Variants in PLCB1 observed in about 807,000 individuals in gnomAD.
PLCB1 encodes phospholipase C beta 1.
In PLCB1, 46 loss-of-function variants were observed where a neutral mutation model predicts 161.8. The observed-to-expected ratio is 0.28, with a 90% confidence interval of 0.22 to 0.36. PLCB1 has a LOEUF of 0.36. PLCB1 is among the 10% of genes least tolerant of loss of function. The pLI is 1.00. For synonymous variants in PLCB1, 517 were observed against 503.7 expected (o/e 1.03, Z -0.35); for missense variants, 1,016 against 1,472.5 (o/e 0.69, Z 5.07).
At chr20:8,716,944 C>T (rs191102519) in intron 13 of PLCB1, among the ~76,000 whole-genome samples, 1 of 152,276 alleles carries the variant, frequency 6.6e-6, no homozygotes, top group East Asian at 1.9e-4. Flanking sequence ...CATTGCAAGC[C>T]AAGAATAGAG....
At chr20:8,864,280 T>C (rs1387141688) in intron 31 of PLCB1, among the ~76,000 whole-genome samples, 2 of 152,244 alleles carry the variant, frequency 1.3e-5, no homozygotes, top group Non-Finnish European at 2.9e-5. Context: ...ATTTCTATTC[T>C]GTGATGCCAA....
In PLCB1 at chr20:8,312,284, G is replaced by A. The variant is rs1029428200; in HGVS notation, c.178-59098G>A. Among the ~76,000 whole-genome samples the A allele has an allele frequency of 3.9e-5, 6 of 151,906 alleles. No homozygotes were observed. In the East Asian group the frequency reaches 9.7e-4, roughly 25 times the overall value. On this transcript the variant is annotated intron_variant, in intron 2 of 31. Transcript: ENST00000338037. The stretch of plus-strand genomic sequence containing the variant: ...AGCGCGCATACAATTCTTCTACCCC[G>A]CAAAAGCCTACAGGACTATCCCATT...
chr20:8,594,035 C>A (rs6118261), intron 3 of PLCB1, among the ~76,000 whole-genome samples: 12,262 of 152,156 alleles, frequency 0.081, 577 homozygotes, highest in South Asian at 0.14. Flanking sequence ...GAGCTGTGCA[C>A]CACCATTCCC....
intron 2 of PLCB1, among the ~76,000 whole-genome samples, chr20:8,262,550 G>A (rs1225529796): frequency 6.6e-6 from 1 of 152,124 alleles, no homozygotes; most frequent in Non-Finnish European, 1.5e-5. Context: ...ATTTAGAATT[G>A]CCTTCAGTCA....
intron 2 of PLCB1, among the ~76,000 whole-genome samples, chr20:8,159,858 A>C (rs1334745318): frequency 6.6e-6 from 1 of 151,886 alleles, no homozygotes; most frequent in African/African-American, 2.4e-5. Context: ...AGGGTGGCAC[A>C]TGCCTGTAAT....
chr20:8,436,593 G>A (rs1003754066), intron 3 of PLCB1, among the ~76,000 whole-genome samples: 1 of 150,432 alleles, frequency 6.6e-6, no homozygotes, highest in Non-Finnish European at 1.5e-5. Context: ...CATTTTATAG[G>A]TTTTGGTGTC....
At chr20:8,253,149 G>A (rs1342858286) in intron 2 of PLCB1, among the ~76,000 whole-genome samples, 4 of 151,814 alleles carry the variant, frequency 2.6e-5, no homozygotes, top group Non-Finnish European at 1.5e-5. Context: ...CTATTGAAAC[G>A]ACAGAAACTC....
At chr20:8,623,467 T>A (rs6055954) in intron 3 of PLCB1, among the ~76,000 whole-genome samples, 33,614 of 152,128 alleles carry the variant, frequency 0.22, 3,997 homozygotes, top group Admixed American at 0.31. Context: ...ACTTATACAG[T>A]GACTTTATAA....
At chr20:8,523,492 C>CTATA (rs1273305505) in intron 3 of PLCB1, among the ~76,000 whole-genome samples, 7 of 61,856 alleles carry the variant, frequency 1.1e-4, no homozygotes, top group Middle Eastern at 0.012. Context: ...CTCTCTCTCT[C>CTATA]TCTCTATATA....
rs1420025887 is a variant in PLCB1 at position 8,740,384 on chromosome 20, T to C, written c.2349T>C (p.Pro783=). The change falls in exon 22 of 32, where the codon CCT becomes CCC. Residue 783 remains proline (P), a synonymous_variant. Transcript: ENST00000338037. The part of the protein sequence containing the change: ...YICLRNERNQ[P]LTLPAVFVYI... ...GTCTAAGGAATGAAAGGAACCAGCC[T>C]CTGACGCTGCCTGCTGTCTTTGTCT... 1.2e-6 allele frequency: 2 copies of C among 1,609,322 alleles called. No individual in the cohort carries two copies. Among genetic ancestry groups the C allele is most frequent in the South Asian group, 2.2e-5 (2 of 90,030 alleles).
At chr20:8,687,884 A>G (rs1990394987) in intron 10 of PLCB1, among the ~76,000 whole-genome samples, 2 of 152,094 alleles carry the variant, frequency 1.3e-5, no homozygotes, top group African/African-American at 4.8e-5. Context: ...TGGTAGTTCT[A>G]CTTTTAGTTC....
intron 3 of PLCB1, among the ~76,000 whole-genome samples, chr20:8,558,010 C>A (rs574307438): frequency 4.2e-4 from 64 of 151,508 alleles, no homozygotes; most frequent in African/African-American, 1.5e-3. Context: ...TTACCAGAGC[C>A]TGGGAAGGAT....
intron 3 of PLCB1, among the ~76,000 whole-genome samples, chr20:8,616,585 AC>A (rs1333765956): frequency 1.3e-5 from 2 of 152,154 alleles, no homozygotes; most frequent in African/African-American, 4.8e-5. Context: ...GTTTTTGTTC[AC>A]TGATGTAGCT....
chr20:8,558,903 G>A (rs1986050709), intron 3 of PLCB1, among the ~76,000 whole-genome samples: 1 of 151,882 alleles, frequency 6.6e-6, no homozygotes, highest in Non-Finnish European at 1.5e-5. Flanking sequence ...AGCTGATAGA[G>A]TTTTTCACAA....
intron 2 of PLCB1, among the ~76,000 whole-genome samples, chr20:8,357,001 T>A (rs1986383475): frequency 6.6e-6 from 1 of 152,268 alleles, no homozygotes; most frequent in African/African-American, 2.4e-5. Flanking sequence ...GAGGAAGATT[T>A]ATTTTTAGGT....
intron 3 of PLCB1, among the ~76,000 whole-genome samples, chr20:8,627,821 G>C (rs1377219428): frequency 6.6e-6 from 1 of 152,226 alleles, no homozygotes; most frequent in Non-Finnish European, 1.5e-5. Context: ...GTGTCTCTTT[G>C]CATCAGTACT....
chr20:8,214,513 C>T (rs548024152), intron 2 of PLCB1, among the ~76,000 whole-genome samples: 1 of 152,208 alleles, frequency 6.6e-6, no homozygotes, highest in East Asian at 1.9e-4. Context: ...GCTTTCTGTA[C>T]CGGCTGCAGA....
At chr20:8,764,771 C>T (rs548245856) in intron 25 of PLCB1, among the ~76,000 whole-genome samples, 92 of 152,324 alleles carry the variant, frequency 6.0e-4, no homozygotes, top group African/African-American at 2.1e-3. Context: ...CTCCATCCTT[C>T]TGAGACCACA....
At chr20:8,411,998 G>A (rs1170525368) in intron 3 of PLCB1, among the ~76,000 whole-genome samples, 3 of 151,600 alleles carry the variant, frequency 2.0e-5, no homozygotes, top group East Asian at 1.9e-4. Context: ...ACTCCAACCT[G>A]GGCAACAACA....
Sources: gnomAD v4.1 joint callset for allele counts (sites outside exome capture counted in the v4.1 genomes callset) on GRCh38, gnomAD v4.1.1 for gene constraint, MANE v1.5 for transcripts, NCBI Gene and HGNC (gene_info 2026-07-23, HGNC 2026-07-21) for gene names.